EPB41L4A: variants seen among roughly 807,000 people sequenced by gnomAD.
EPB41L4A encodes band 4.1-like protein 4A.
Under a neutral mutation model 108.6 loss-of-function variants are expected in EPB41L4A, and 100 were observed. The ratio of observed to expected loss-of-function variants is 0.92; its 90% confidence interval spans 0.78 to 1.09. EPB41L4A has a LOEUF of 1.09. Ranked by LOEUF, EPB41L4A falls within the 50% of genes least tolerant of loss-of-function variation. The probability of loss-of-function intolerance (pLI) is 0.00; values close to 1 mark genes in which losing one functional copy is unlikely to be tolerated. For missense variants in EPB41L4A, 1,030 were observed against 842.7 expected (o/e 1.22, Z -2.75); for synonymous variants, 319 against 289.0 (o/e 1.10, Z -1.05).
intron 18 of EPB41L4A, 96 bp downstream of exon 18, chr5:112,183,920 T>A (rs931334773): frequency 7.2e-5 from 100 of 1,390,110 alleles, no homozygotes; most frequent in Non-Finnish European, 9.7e-5. Context: ...AATGAAATAA[T>A]CCTAGTTGAA....
At chr5:112,358,888 T>C (rs1345812781) in intron 1 of EPB41L4A, among the ~76,000 whole-genome samples, 1 of 152,022 alleles carries the variant, frequency 6.6e-6, no homozygotes, top group African/African-American at 2.4e-5. Context: ...CCACAGACAA[T>C]AACATAAAAG....
intron 1 of EPB41L4A, among the ~76,000 whole-genome samples, chr5:112,413,273 C>T (rs993186642): frequency 6.6e-6 from 1 of 152,198 alleles, no homozygotes; most frequent in African/African-American, 2.4e-5. Flanking sequence ...CAATGTACTG[C>T]ATGCATTCAG....
chr5:112,381,738 C>A (rs1409744789), intron 1 of EPB41L4A, among the ~76,000 whole-genome samples: 1 of 152,246 alleles, frequency 6.6e-6, no homozygotes, highest in Non-Finnish European at 1.5e-5. Context: ...ATCATGGCCA[C>A]TGGGCTCCCA....
intron 13 of EPB41L4A, among the ~76,000 whole-genome samples, chr5:112,207,590 A>G (rs1381372222): frequency 6.6e-6 from 1 of 152,224 alleles, no homozygotes; most frequent in South Asian, 2.1e-4. Flanking sequence ...GAAACAAACA[A>G]TGCCATTAAA....
chr5:112,302,385 T>C (rs752527986), intron 2 of EPB41L4A, among the ~76,000 whole-genome samples: 2 of 152,150 alleles, frequency 1.3e-5, no homozygotes, highest in Non-Finnish European at 2.9e-5. Flanking sequence ...AGAAACATTT[T>C]TTAAAAAGAG....
chr5:112,217,675 T>G (rs1013690797), intron 12 of EPB41L4A, among the ~76,000 whole-genome samples: 2 of 152,192 alleles, frequency 1.3e-5, no homozygotes, highest in Non-Finnish European at 2.9e-5. Flanking sequence ...TCCAGCCTGG[T>G]GACAGAGTGA....
intron 9 of EPB41L4A, among the ~76,000 whole-genome samples, chr5:112,255,547 T>C (rs779597525): frequency 1.1e-4 from 16 of 152,174 alleles, no homozygotes; most frequent in Non-Finnish European, 2.2e-4. Context: ...GTATGACATA[T>C]CAGCATCATC....
At chr5:112,404,877 C>A (rs556989849) in intron 1 of EPB41L4A, among the ~76,000 whole-genome samples, 1 of 152,282 alleles carries the variant, frequency 6.6e-6, no homozygotes, top group South Asian at 2.1e-4. Context: ...CATGCTACCT[C>A]TCCATGCTGC....
chr5:112,406,081 G>T (rs1762054749), intron 1 of EPB41L4A, among the ~76,000 whole-genome samples: 1 of 152,180 alleles, frequency 6.6e-6, no homozygotes, highest in Admixed American at 6.5e-5. Context: ...AGAACATGAT[G>T]TAAAAACAGT....
intron 18 of EPB41L4A, among the ~76,000 whole-genome samples, chr5:112,183,638 T>C (rs1272955854): frequency 6.6e-6 from 1 of 152,234 alleles, no homozygotes; most frequent in Non-Finnish European, 1.5e-5. Flanking sequence ...TATTCACATC[T>C]GGTTCAGTCT....
intron 12 of EPB41L4A, among the ~76,000 whole-genome samples, chr5:112,212,478 A>G (rs1217856294): frequency 6.6e-6 from 1 of 152,070 alleles, no homozygotes; most frequent in Non-Finnish European, 1.5e-5. Flanking sequence ...TAATTTTAGT[A>G]GAGACAGGGT....
intron 18 of EPB41L4A, among the ~76,000 whole-genome samples, chr5:112,179,741 A>T (rs1232431967): frequency 6.6e-6 from 1 of 152,198 alleles, no homozygotes; most frequent in Non-Finnish European, 1.5e-5. Flanking sequence ...CTTTATGAAA[A>T]AGAGCAGCCA....
chr5:112,224,042 C>T (rs917503656), intron 12 of EPB41L4A, among the ~76,000 whole-genome samples: 78 of 152,144 alleles, frequency 5.1e-4, no homozygotes, highest in African/African-American at 1.7e-3. Flanking sequence ...GCCTCCGCCC[C>T]GCAGGTTCAA....
chr5:112,312,580 A>G (rs1274773201), intron 1 of EPB41L4A, among the ~76,000 whole-genome samples: 1 of 152,184 alleles, frequency 6.6e-6, no homozygotes, highest in Non-Finnish European at 1.5e-5. Flanking sequence ...TCAAGCAAAT[A>G]CACACATGAA....
chr5:112,397,897 C>G (rs1207025725), intron 1 of EPB41L4A, among the ~76,000 whole-genome samples: 1 of 152,182 alleles, frequency 6.6e-6, no homozygotes, highest in Admixed American at 6.5e-5. Context: ...AAAAGCTAAC[C>G]ATTAACCATT....
intron 1 of EPB41L4A, among the ~76,000 whole-genome samples, chr5:112,381,827 G>A (rs1760197300): frequency 6.6e-6 from 1 of 152,210 alleles, no homozygotes; most frequent in Non-Finnish European, 1.5e-5. Context: ...CTTCCATAAT[G>A]TGAAAATGAC....
intron 1 of EPB41L4A, among the ~76,000 whole-genome samples, chr5:112,359,122 T>C (rs114750130): frequency 0.011 from 1,632 of 152,336 alleles, 39 homozygotes; most frequent in South Asian, 0.05. Flanking sequence ...TACACAACTA[T>C]ATCTATATGT....
At chr5:112,180,396 A>C (rs939771920) in intron 18 of EPB41L4A, among the ~76,000 whole-genome samples, 1 of 152,196 alleles carries the variant, frequency 6.6e-6, no homozygotes, top group African/African-American at 2.4e-5. Flanking sequence ...TAGATCAATG[A>C]AACAAAATTG....
intron 12 of EPB41L4A, among the ~76,000 whole-genome samples, chr5:112,226,133 A>G (rs757686284): frequency 2.6e-5 from 4 of 152,194 alleles, no homozygotes; most frequent in Non-Finnish European, 4.4e-5. Context: ...CTTGTAACAG[A>G]GACATGGTAT....
Sources: allele counts gnomAD v4.1 joint callset (sites outside exome capture counted in the v4.1 genomes callset), GRCh38; gene constraint gnomAD v4.1.1; transcripts MANE v1.5; gene names NCBI Gene and HGNC (gene_info 2026-07-23, HGNC 2026-07-21).